The following SCAF11 variants were observed in gnomAD, a reference collection of about 807,000 sequenced individuals.
The protein encoded by SCAF11 is SR-related CTD associated factor 11, also known as protein SCAF11.
In SCAF11, 47 loss-of-function variants were observed where a neutral mutation model predicts 140.5. The observed-to-expected ratio is 0.33, with a 90% CI of 0.26 to 0.43. The LOEUF is 0.43. Among genes scored for constraint, SCAF11 ranks in the 20% least tolerant of loss-of-function variants. The pLI is 1.00. For missense variants in SCAF11, 1,645 were observed against 1,705.1 expected, an observed-to-expected ratio of 0.96 and a Z score of 0.62; for synonymous variants, 557 against 579.4, an observed-to-expected ratio of 0.96 and a Z score of 0.55.
intron 3 of SCAF11, 86 bp from the exon 4 acceptor site, chr12:45,951,813 ATTT>A (rs569976172): frequency 3.4e-6 from 3 of 873,552 alleles, no homozygotes; most frequent in Middle Eastern, 3.6e-4. Flanking sequence ...CCATAAAATT[ATTT>A]TTATCTCTAT....
chr12:45,955,181 A>G (rs75454888), intron 3 of SCAF11: 2 of 151,910 alleles, frequency 1.3e-5, no homozygotes, highest in South Asian at 4.1e-4. Flanking sequence ...TTTTTTTTAA[A>G]CAGGGTCTCA....
intron 1 of SCAF11, among the ~76,000 whole-genome samples, chr12:45,964,756 T>C (rs1003120638): frequency 2.6e-5 from 4 of 152,082 alleles, no homozygotes; most frequent in African/African-American, 4.8e-5. Context: ...ATAAATGCAA[T>C]TGAAGCTTAA....
At chr12:45,974,208 A>G (rs1205505151) in intron 1 of SCAF11, 1 of 470,858 alleles carries the variant, frequency 2.1e-6, no homozygotes, top group African/African-American at 2.0e-5. Flanking sequence ...TAAAAATGCT[A>G]ACAATCATCT....
chr12:45,966,666 C>A (rs569783896), intron 1 of SCAF11, among the ~76,000 whole-genome samples: 18 of 152,070 alleles, frequency 1.2e-4, no homozygotes, highest in Admixed American at 1.0e-3. Flanking sequence ...TCCAGTGCTT[C>A]CAGGCTAAGC....
intron 5 of SCAF11, among the ~76,000 whole-genome samples, chr12:45,946,711 T>C (rs575576277): frequency 6.6e-6 from 1 of 152,310 alleles, no homozygotes; most frequent in East Asian, 1.9e-4. Context: ...ATTAAAAGTA[T>C]TTCTACCAAA....
rs1290445908 is a variant in SCAF11 at position 45,928,687 on chromosome 12, G to A, written c.1014C>T (p.Ser338=). 2 of 1,613,848 alleles carry A rather than the reference G, an allele frequency of 1.2e-6. No homozygotes were observed. The highest frequency in any genetic ancestry group is 2.2e-5 in the East Asian group (1 of 44,886). Residue 338 remains serine (S), a synonymous_variant, in exon 11 of 15, where the codon TCC becomes TCT. Transcript: ENST00000369367. ...RAETASQSQR[S]PISDNSGCDA... Reference sequence around the variant, plus strand: ...CACACCCAGAATTGTCTGATATTGGGGATCTCTGAGACTGACTGGCTGTTT... The same window carrying A: ...CACACCCAGAATTGTCTGATATTGGAGATCTCTGAGACTGACTGGCTGTTT...
intron 4 of SCAF11, among the ~76,000 whole-genome samples, 176 bp downstream of exon 4, chr12:45,951,474 G>A (rs11574962): frequency 0.032 from 4,850 of 152,142 alleles, 261 homozygotes; most frequent in African/African-American, 0.11. Context: ...ATGAATAAAA[G>A]GTTCAGAATT....
Position 45,926,342 on chromosome 12 carries a change from T to C in SCAF11, c.3359A>G (p.Gln1120Arg). Residue 1120 changes from glutamine (Q) to arginine (R), a missense_variant, in exon 11 of 15, where the codon CAG (glutamine) becomes CGG (arginine). Gln to Arg is a conservative substitution (Grantham distance 43, BLOSUM62 1). Transcript: ENST00000369367. ...TTCACTTTTTCGCTTATAGGATTGC[T>C]GTTCCACAAACTTGAAAGATTCACT... ...SGSESFKFVEQQSYKRKSEQE... is the reference protein window; with the variant it reads ...SGSESFKFVERQSYKRKSEQE... 6.2e-7 allele frequency: 1 copy of C among 1,614,228 alleles called. No individual in the cohort carries two copies. Among genetic ancestry groups the C allele is most frequent in the Non-Finnish European group, 8.5e-7 (1 of 1,180,032 alleles).
Position 45,928,537 on chromosome 12 carries a change from C to T in SCAF11, c.1164G>A (p.Lys388=). The change falls in exon 11 of 15, where the codon AAG becomes AAA. Residue 388 remains lysine (K), a synonymous_variant. Coordinates refer to ENST00000369367, the MANE Select transcript of SCAF11 (RefSeq NM_004719.3). The part of the protein sequence containing the change: ...RRGRKPPLLK[K]KLRSSVAAPE... ...GGGCAGCTACAGAGCTCCGAAGTTT[C>T]TTTTTCAGTAAAGGTGGTTTTCTTC... 6.2e-7 allele frequency: 1 copy of T among 1,614,074 alleles called. No homozygotes were observed. The highest frequency in any genetic ancestry group is 8.5e-7 in the Non-Finnish European group (1 of 1,180,004).
At chr12:45,935,454 C>G (rs144505714) in intron 6 of SCAF11, among the ~76,000 whole-genome samples, 1 of 152,098 alleles carries the variant, frequency 6.6e-6, no homozygotes, top group South Asian at 2.1e-4. Context: ...AAAGATGATA[C>G]GCTGATTTTT....
chr12:45,960,285 A>G (rs1005395785), intron 3 of SCAF11, among the ~76,000 whole-genome samples: 4 of 152,164 alleles, frequency 2.6e-5, no homozygotes, highest in Admixed American at 6.5e-5. Context: ...TTCTTAGAGC[A>G]AAACATATAC....
chr12:45,951,552 A>T, intron 4 of SCAF11, 98 bp downstream of exon 4: 1 of 741,890 alleles, frequency 1.3e-6, no homozygotes, highest in Non-Finnish European at 2.2e-6. Context: ...ATTAAACCTT[A>T]AGTTGAACAA....
chr12:45,981,395 C>A (rs1441358038), intron 1 of SCAF11, among the ~76,000 whole-genome samples: 1 of 152,086 alleles, frequency 6.6e-6, no homozygotes, highest in African/African-American at 2.4e-5. Flanking sequence ...AAAGAAATAA[C>A]CCTGATATTA....
At chr12:45,963,618 G>T (rs185618895) in intron 2 of SCAF11, among the ~76,000 whole-genome samples, 1 of 152,064 alleles carries the variant, frequency 6.6e-6, no homozygotes. Flanking sequence ...AAATGAAGAG[G>T]AAATAAACTC....
rs529195029 is a variant in SCAF11 at position 45,990,218 on chromosome 12, C to T, written c.-22+135G>A. The T allele has an allele frequency of 1.5e-4, 178 of 1,180,272 alleles. No individual in the cohort carries two copies. The African/African-American group carries it at 2.5e-3, about 17-fold the overall frequency. The allele number at this position is 1,180,272 out of a possible 1,614,324, so 73.1% of individuals were successfully genotyped here. On this transcript the variant is annotated intron_variant, in intron 1 of 14. Coordinates refer to ENST00000369367, the MANE Select transcript of SCAF11 (RefSeq NM_004719.3). Reference sequence around the variant, plus strand: ...TCCCAGCGCACGACGTCGCACGGGCCGCGCGAGATTCCGAAACTTTGTCAG... The same window carrying T: ...TCCCAGCGCACGACGTCGCACGGGCTGCGCGAGATTCCGAAACTTTGTCAG...
At chr12:45,930,008 T>C (rs1945003184) in intron 10 of SCAF11, 1 of 152,228 alleles carries the variant, frequency 6.6e-6, no homozygotes, top group African/African-American at 2.4e-5. Context: ...ATATTTTTTA[T>C]GTTATGTGTT....
intron 5 of SCAF11, among the ~76,000 whole-genome samples, chr12:45,948,119 G>C (rs905197360): frequency 6.6e-6 from 1 of 152,114 alleles, no homozygotes; most frequent in African/African-American, 2.4e-5. Context: ...GAGGAGGGGA[G>C]GACGGTCCTC....
At chr12:45,934,600 G>A in intron 6 of SCAF11, 95 bp from the exon 7 acceptor site, 1 of 674,330 alleles carries the variant, frequency 1.5e-6, no homozygotes, top group Non-Finnish European at 2.4e-6. Context: ...GGCAAGGGTT[G>A]AAATACGTAG....
chr12:45,960,348 T>G (rs1945796680), intron 3 of SCAF11: 1 of 152,110 alleles, frequency 6.6e-6, no homozygotes, highest in Non-Finnish European at 1.5e-5. Context: ...TACAATCTTA[T>G]AAAAAAGCAC....
Sources: gnomAD v4.1 joint callset for allele counts (sites outside exome capture counted in the v4.1 genomes callset) on GRCh38, gnomAD v4.1.1 for gene constraint, MANE v1.5 for transcripts, NCBI Gene and HGNC (gene_info 2026-07-23, HGNC 2026-07-21) for gene names.